SCN9A: variants seen among roughly 807,000 people sequenced by gnomAD.
SCN9A encodes the protein sodium voltage-gated channel alpha subunit 9.
SCN9A carries 131 observed loss-of-function variants against 187.0 expected under a neutral mutation model. The ratio of observed to expected loss-of-function variants is 0.70; its 90% CI spans 0.61 to 0.81. The LOEUF (loss-of-function observed/expected upper bound fraction) is 0.81, where lower values mean the gene tolerates loss of function less well. Ranked by LOEUF, SCN9A falls within the 30% of genes least tolerant of loss-of-function variation. The pLI is 0.00. For missense variants in SCN9A, 2,252 were observed against 2,396.6 expected (o/e 0.94, Z 1.26); for synonymous variants, 809 against 808.6 (o/e 1.00, Z -0.01).
chr2:166,278,759 C>T (rs1348912865), intron 14 of SCN9A, among the ~76,000 whole-genome samples: 3 of 152,034 alleles, frequency 2.0e-5, no homozygotes, highest in African/African-American at 7.2e-5. Flanking sequence ...TGTTGACTCA[C>T]TCTTTAAAGA....
rs796870168 is a variant in SCN9A, at chr2:166,333,638, GT to G, written c.-50-21833del. On this transcript the variant is annotated intron_variant, in intron 1 of 26. Transcript: ENST00000642356. ...AATACCATATTTCATGACATAACTT[GT>G]TTTTTTTTATTTTTCAGGATTAGAT... is the stretch of plus-strand genomic sequence containing the variant. Among the ~76,000 whole-genome samples the G allele has an allele frequency of 8.8e-3, 1,325 of 150,868 alleles. 28 individuals carry two copies. The highest frequency in any genetic ancestry group is 0.029 in the African/African-American group (1,207 of 41,098).
chr2:166,375,655 T>TCC (rs1700671121), intron 1 of SCN9A, 42 bp downstream of exon 1: 1 of 152,264 alleles, frequency 6.6e-6, no homozygotes, highest in African/African-American at 2.4e-5. Flanking sequence ...CGAGGGCTTC[T>TCC]CCTCCCCTCC....
intron 3 of SCN9A, 86 bp downstream of exon 3, chr2:166,306,870 C>T: frequency 1.4e-6 from 1 of 739,174 alleles, no homozygotes; most frequent in Non-Finnish European, 2.3e-6. Flanking sequence ...TTTCAAGGTG[C>T]AAAAGGTATA....
chr2:166,274,853 C>T (rs2106464968), intron 16 of SCN9A, among the ~76,000 whole-genome samples: 1 of 152,186 alleles, frequency 6.6e-6, no homozygotes, highest in Admixed American at 6.5e-5. Context: ...GTTCAAAGGC[C>T]CACTTCAAAA....
rs149211215 is a variant in SCN9A at position 166,285,168 on chromosome 2, C to A, written c.1603-344G>T. 3.5e-3 allele frequency among the ~76,000 whole-genome samples: 536 copies of A among 152,260 alleles called. 2 individuals are homozygous for A. The highest frequency in any genetic ancestry group is 0.012 in the African/African-American group (505 of 41,558). On this transcript the variant is annotated intron_variant, in intron 11 of 26. Coordinates refer to ENST00000642356, the MANE Select transcript of SCN9A (RefSeq NM_001365536.1). ...GAACTTAGTATTGCTACTGGTCATT[C>A]AACTTTTTATATATCAATCCCCAGG... is the stretch of plus-strand genomic sequence containing the variant.
At chr2:166,256,255 T>C (rs1013034641) in intron 17 of SCN9A, among the ~76,000 whole-genome samples, 3 of 151,428 alleles carry the variant, frequency 2.0e-5, no homozygotes, top group Non-Finnish European at 4.4e-5. Context: ...ATTATTGATA[T>C]TACTATTAGT....
intron 1 of SCN9A, among the ~76,000 whole-genome samples, chr2:166,347,009 G>A (rs936406630): frequency 6.6e-6 from 1 of 152,198 alleles, no homozygotes; most frequent in Admixed American, 6.5e-5. Context: ...CTGGGAGTGA[G>A]TCATCCATGT....
chr2:166,288,310 A>G (rs1697880341), intron 10 of SCN9A, 127 bp downstream of exon 10: 1 of 650,798 alleles, frequency 1.5e-6, no homozygotes, highest in Non-Finnish European at 2.5e-6. Flanking sequence ...AAATGAGGAT[A>G]CAGTTTATAC....
intron 15 of SCN9A, 55 bp downstream of exon 15, chr2:166,278,085 C>G: frequency 7.1e-7 from 1 of 1,413,290 alleles, no homozygotes; most frequent in Non-Finnish European, 9.6e-7. Flanking sequence ...TAATGCAAAA[C>G]CAAAGAAATA....
chr2:166,370,223 A>ATCATC (rs1553507710), intron 1 of SCN9A, among the ~76,000 whole-genome samples: 6,736 of 120,646 alleles, frequency 0.056, 197 homozygotes, highest in African/African-American at 0.095. Flanking sequence ...TAATAATAAT[A>ATCATC]ATAATAATAA....
chr2:166,226,562 C>A lies in SCN9A; in HGVS notation c.4398+5G>T. 1 of 1,531,786 alleles carries A rather than the reference C, an allele frequency of 6.5e-7. No homozygotes were observed. The highest frequency in any genetic ancestry group is 8.8e-7 in the Non-Finnish European group (1 of 1,130,214). 94.9% of individuals were successfully genotyped at this position (1,531,786 alleles called of 1,614,324 possible). A position where few individuals can be genotyped will look rare whatever the true frequency, so the allele number is the denominator to read the frequency against. On this transcript the variant is annotated splice_donor_5th_base_variant and intron_variant, in intron 24 of 26. Transcript: ENST00000642356. ...ATTACAATGAAAAATATTTGAAATA[C>A]TTATCTTCTTTTTCTGTTGGTTGAA... is the stretch of plus-strand genomic sequence containing the variant.
chr2:166,323,759 T>C (rs1699298858), intron 1 of SCN9A, among the ~76,000 whole-genome samples: 1 of 149,304 alleles, frequency 6.7e-6, no homozygotes, highest in Non-Finnish European at 1.5e-5. Flanking sequence ...TGTAATATGT[T>C]GTGCTTTTGT....
chr2:166,308,744 A>C (rs1698841129), intron 2 of SCN9A, among the ~76,000 whole-genome samples: 1 of 151,916 alleles, frequency 6.6e-6, no homozygotes, highest in Admixed American at 6.6e-5. Context: ...AACACGGTGA[A>C]TCCCCGTCTC....
intron 17 of SCN9A, among the ~76,000 whole-genome samples, chr2:166,267,046 TC>T (rs2106450922): frequency 6.6e-6 from 1 of 152,116 alleles, no homozygotes; most frequent in Non-Finnish European, 1.5e-5. Flanking sequence ...GTCCTTTATT[TC>T]TTTCTCTTGC....
At chr2:166,365,764 T>G (rs892415261) in intron 1 of SCN9A, among the ~76,000 whole-genome samples, 1 of 152,184 alleles carries the variant, frequency 6.6e-6, no homozygotes, top group South Asian at 2.1e-4. Context: ...CTTCTCTCAA[T>G]TCTCTGTCCT....
At chr2:166,312,594 C>T (rs562093903) in intron 1 of SCN9A, among the ~76,000 whole-genome samples, 2 of 152,172 alleles carry the variant, frequency 1.3e-5, no homozygotes, top group African/African-American at 4.8e-5. Context: ...TTTACTTTTC[C>T]CAGACCCATC....
intron 1 of SCN9A, among the ~76,000 whole-genome samples, chr2:166,346,520 C>A (rs1324374815): frequency 6.6e-6 from 1 of 152,060 alleles, no homozygotes; most frequent in African/African-American, 2.4e-5. Context: ...ACAGATGGGC[C>A]TCTAGGGGCA....
At chr2:166,353,657 A>T (rs1207658670) in intron 1 of SCN9A, among the ~76,000 whole-genome samples, 1 of 152,274 alleles carries the variant, frequency 6.6e-6, no homozygotes, top group East Asian at 1.9e-4. Context: ...TACCTCTTGT[A>T]TGAAAAGATC....
chr2:166,237,968 C>T, intron 20 of SCN9A, 126 bp downstream of exon 20: 1 of 645,566 alleles, frequency 1.5e-6, no homozygotes, highest in African/African-American at 1.8e-5. Context: ...AAGAATAAAC[C>T]TATAGCCTGA....
Sources: gnomAD v4.1 joint callset for allele counts (sites outside exome capture counted in the v4.1 genomes callset) on GRCh38, gnomAD v4.1.1 for gene constraint, MANE v1.5 for transcripts, NCBI Gene and HGNC (gene_info 2026-07-23, HGNC 2026-07-21) for gene names.